Variants in LRRC69 observed in about 807,000 individuals in gnomAD.
LRRC69 encodes the protein leucine-rich repeat-containing protein 69.
Under a neutral mutation model 37.8 loss-of-function variants are expected in LRRC69, and 42 were observed. The ratio of observed to expected loss-of-function variants is 1.11; its 90% CI spans 0.87 to 1.44. LRRC69 has a LOEUF of 1.44. Among genes scored for constraint, LRRC69 ranks in the 40% most tolerant of loss-of-function variants. LRRC69 has a pLI of 0.00. For synonymous variants in LRRC69, 141 were observed against 143.1 expected, an observed-to-expected ratio of 0.99 and a Z score of 0.11; for missense variants, 357 against 401.9, an observed-to-expected ratio of 0.89 and a Z score of 0.96.
At chr8:91,133,366 G>C in intron 4 of LRRC69, 61 bp downstream of exon 4, 1 of 1,270,516 alleles carries the variant, frequency 7.9e-7, no homozygotes, top group Admixed American at 3.3e-5. Context: ...ATGATGGGAG[G>C]TGGTTATAGA....
rs1586231781 is a variant in LRRC69, at chr8:91,125,004, C to G, written c.310+385C>G. 2.6e-5 allele frequency among the ~76,000 whole-genome samples: 4 copies of G among 151,814 alleles called. No individual in the cohort carries two copies. In the South Asian group the frequency reaches 8.3e-4, roughly 32 times the overall value. On this transcript the variant is annotated intron_variant, in intron 2 of 7. Transcript: ENST00000448384. ...ATTCTGTCTTAGATATTAAGTCACA[C>G]TTTTTGATCAAGATGCTAAACTTAA... is the stretch of plus-strand genomic sequence containing the variant.
chr8:91,180,511 A>G (rs1809306340), intron 5 of LRRC69, among the ~76,000 whole-genome samples: 1 of 152,214 alleles, frequency 6.6e-6, no homozygotes, highest in Admixed American at 6.5e-5. Flanking sequence ...TATTCATTAG[A>G]AGTGAGTCAC....
chr8:91,121,177 T>C (rs1187917796), intron 1 of LRRC69, among the ~76,000 whole-genome samples: 2 of 152,058 alleles, frequency 1.3e-5, no homozygotes, highest in Non-Finnish European at 2.9e-5. Flanking sequence ...CTAAAGCCAT[T>C]GCCTCTTGCC....
chr8:91,174,440 G>A (rs1212031539), intron 5 of LRRC69, among the ~76,000 whole-genome samples: 1 of 152,152 alleles, frequency 6.6e-6, no homozygotes, highest in South Asian at 2.1e-4. Flanking sequence ...AAACCACACT[G>A]GGCCTTGTAT....
intron 6 of LRRC69, among the ~76,000 whole-genome samples, chr8:91,198,908 C>T (rs1809666985): frequency 6.6e-6 from 1 of 152,018 alleles, no homozygotes; most frequent in African/African-American, 2.4e-5. Flanking sequence ...ATGGTGTATG[C>T]TATCCTTCCA....
At chr8:91,104,676 A>G (rs1813276566) in intron 1 of LRRC69, among the ~76,000 whole-genome samples, 1 of 152,002 alleles carries the variant, frequency 6.6e-6, no homozygotes, top group Non-Finnish European at 1.5e-5. Context: ...CTGTCAGCCA[A>G]GGACATTCCC....
At chr8:91,206,859 A>G (rs1322307368) in intron 7 of LRRC69, 2 of 1,286,704 alleles carry the variant, frequency 1.6e-6, no homozygotes, top group South Asian at 1.2e-5. Context: ...AATTTTGCCA[A>G]TTTCAGAAAG....
At chr8:91,126,148 A>G (rs1813709676) in intron 2 of LRRC69, among the ~76,000 whole-genome samples, 1 of 152,146 alleles carries the variant, frequency 6.6e-6, no homozygotes, top group East Asian at 1.9e-4. Context: ...GCTGCCCAGC[A>G]TGGGTAGAAT....
At chr8:91,179,665 G>A (rs1004930870) in intron 5 of LRRC69, among the ~76,000 whole-genome samples, 4 of 152,020 alleles carry the variant, frequency 2.6e-5, no homozygotes, top group African/African-American at 9.7e-5. Context: ...TTTGACCCTA[G>A]GCATTCACTA....
intron 3 of LRRC69, among the ~76,000 whole-genome samples, chr8:91,127,566 C>T (rs1040485587): frequency 6.2e-5 from 6 of 96,236 alleles, no homozygotes; most frequent in East Asian, 3.3e-4. Context: ...ATGTCATTTT[C>T]GTTTTTAAAA....
Position 91,148,007 on chromosome 8 carries a change from G to C in LRRC69, c.651+12268G>C, listed in dbSNP as rs1808654164. 2.0e-5 allele frequency among the ~76,000 whole-genome samples: 3 copies of C among 151,612 alleles called. No homozygotes were observed. In the South Asian group the frequency reaches 6.2e-4, roughly 31 times the overall value. On this transcript the variant is annotated intron_variant, in intron 5 of 7. Coordinates refer to ENST00000448384, the Ensembl canonical transcript of LRRC69. ...AATTTGCTGAGTATGATGGCTTCCA[G>C]CTTCATCCATGTCCCTGCAAAGGAC...
chr8:91,133,030 T>G (rs982737328), intron 3 of LRRC69, 80 bp from the exon 4 acceptor site: 21 of 761,292 alleles, frequency 2.8e-5, no homozygotes, highest in African/African-American at 7.4e-5. Flanking sequence ...GACACATGGC[T>G]TCTGCTAAGT....
chr8:91,133,378 T>C, intron 4 of LRRC69, 73 bp downstream of exon 4: 1 of 1,149,766 alleles, frequency 8.7e-7, no homozygotes, highest in Non-Finnish European at 1.2e-6. Flanking sequence ...GGTTATAGAT[T>C]AGATTTGGGT....
intron 2 of LRRC69, among the ~76,000 whole-genome samples, chr8:91,125,231 C>G (rs1813697668): frequency 6.6e-6 from 1 of 151,902 alleles, no homozygotes; most frequent in African/African-American, 2.4e-5. Context: ...AGGTACTTCA[C>G]CACTTTCTGT....
intron 5 of LRRC69, among the ~76,000 whole-genome samples, chr8:91,166,838 A>T (rs1461454989): frequency 6.6e-6 from 1 of 151,882 alleles, no homozygotes; most frequent in Non-Finnish European, 1.5e-5. Context: ...ATGCCTCCAC[A>T]GAGGAAGCTC....
At chr8:91,189,467 T>C (rs561287272) in intron 5 of LRRC69, 55 bp from the exon 6 acceptor site, 1 of 1,094,160 alleles carries the variant, frequency 9.1e-7, no homozygotes, top group African/African-American at 1.6e-5. Context: ...AATGTAGCTT[T>C]AGAGGTAGTT....
intron 5 of LRRC69, 61 bp downstream of exon 5, chr8:91,135,800 G>T (rs1813902758): frequency 1.2e-6 from 1 of 831,728 alleles, no homozygotes; most frequent in Admixed American, 4.1e-5. Flanking sequence ...ATTGGGAATA[G>T]AAAAAATATG....
chr8:91,191,818 G>C (rs1809500422), intron 6 of LRRC69, among the ~76,000 whole-genome samples: 1 of 152,092 alleles, frequency 6.6e-6, no homozygotes, highest in African/African-American at 2.4e-5. Flanking sequence ...AGAACTGTTG[G>C]GTCCAGGAGC....
chr8:91,174,738 A>G (rs1235531449), intron 5 of LRRC69, among the ~76,000 whole-genome samples: 3 of 152,240 alleles, frequency 2.0e-5, no homozygotes, highest in African/African-American at 7.2e-5. Context: ...GTATTCCCTA[A>G]GGAAAGTGCC....
Sources: allele counts gnomAD v4.1 joint callset (sites outside exome capture counted in the v4.1 genomes callset), GRCh38; gene constraint gnomAD v4.1.1; transcripts MANE v1.5; gene names NCBI Gene and HGNC (gene_info 2026-07-23, HGNC 2026-07-21).